Variants in PTPRT observed in about 807,000 individuals in gnomAD.
The protein encoded by PTPRT is receptor-type tyrosine-protein phosphatase T.
PTPRT carries 56 observed loss-of-function variants against 176.8 expected under a neutral mutation model. That is an observed-to-expected ratio of 0.32 (90% confidence interval 0.26 to 0.40). The LOEUF is 0.40. Ranked by LOEUF, PTPRT falls within the 10% of genes least tolerant of loss-of-function variation. PTPRT has a pLI of 1.00. For synonymous variants in PTPRT, 783 were observed against 739.0 expected (o/e 1.06, Z -0.96); for missense variants, 1,540 against 1,908.2 (o/e 0.81, Z 3.60).
chr20:43,024,927 T>C (rs1453828663), intron 1 of PTPRT, among the ~76,000 whole-genome samples: 6 of 152,248 alleles, frequency 3.9e-5, no homozygotes, highest in East Asian at 1.9e-4. Flanking sequence ...AAATGTACCA[T>C]AGACTTCCTG....
intron 11 of PTPRT, among the ~76,000 whole-genome samples, chr20:42,349,325 G>T (rs1012876525): frequency 7.2e-5 from 11 of 152,170 alleles, no homozygotes; most frequent in Non-Finnish European, 1.6e-4. Flanking sequence ...GTTATAGCAT[G>T]CTGTCTCTCT....
intron 1 of PTPRT, among the ~76,000 whole-genome samples, chr20:42,924,151 G>A (rs944726675): frequency 6.6e-6 from 1 of 152,082 alleles, no homozygotes; most frequent in South Asian, 2.1e-4. Context: ...TACCATGTCC[G>A]GCCAGATGGC....
intron 1 of PTPRT, among the ~76,000 whole-genome samples, chr20:42,950,335 C>A (rs1195128446): frequency 1.3e-5 from 2 of 152,218 alleles, no homozygotes; most frequent in Non-Finnish European, 2.9e-5. Context: ...AGAGATCAAT[C>A]CTGTTCTTAT....
chr20:42,168,473 C>G (rs1184976238), intron 16 of PTPRT, among the ~76,000 whole-genome samples: 2 of 152,186 alleles, frequency 1.3e-5, no homozygotes, highest in Non-Finnish European at 2.9e-5. Context: ...TCACAAAATA[C>G]TAGAAAAGGC....
chr20:42,093,067 A>G (rs1984804190), intron 27 of PTPRT, among the ~76,000 whole-genome samples: 1 of 152,172 alleles, frequency 6.6e-6, no homozygotes, highest in Non-Finnish European at 1.5e-5. Context: ...GGATGTGGAC[A>G]TCTCTGGTGG....
intron 7 of PTPRT, among the ~76,000 whole-genome samples, chr20:42,669,887 C>T (rs535505675): frequency 1.3e-5 from 2 of 152,170 alleles, no homozygotes; most frequent in African/African-American, 4.8e-5. Flanking sequence ...GCCTTGGCCT[C>T]CTCAAAGAGA....
At chr20:43,037,042 CA>C (rs1986410693) in intron 1 of PTPRT, among the ~76,000 whole-genome samples, 1 of 152,264 alleles carries the variant, frequency 6.6e-6, no homozygotes, top group African/African-American at 2.4e-5. Context: ...CATAAACATA[CA>C]ACATTAGAAA....
chr20:42,174,788 CTGCCTGTGTGATTTTGGGCAAGT>C (rs551416954), intron 16 of PTPRT, among the ~76,000 whole-genome samples: 84 of 152,298 alleles, frequency 5.5e-4, no homozygotes, highest in African/African-American at 1.7e-3. Flanking sequence ...CCATCACCTA[CTGCCTGTGTGATTTTGGGCAAGT>C]TACTCAATCT....
Position 43,189,590 on chromosome 20 carries a change from C to CCG in PTPRT, c.88+54_88+55dup. ...CTCCGAGGGCCCCGCGGCTGGGGGC[C>CCG]CGCGCGCATCCAGGAGGGAGCGGGG... On this transcript the variant is annotated intron_variant, in intron 1 of 30. Transcript: ENST00000373187. The surrounding 1 kb of genome is among the most constrained non-coding windows in gnomAD (Gnocchi z 5.0). The CCG allele has an allele frequency of 8.7e-7, 1 of 1,143,798 alleles. No individual in the cohort carries two copies. The highest frequency in any genetic ancestry group is 1.1e-6 in the Non-Finnish European group (1 of 913,512). The allele number at this position is 1,143,798 out of a possible 1,614,324, so 70.9% of individuals were successfully genotyped here.
chr20:42,866,121 C>T (rs75919394), intron 2 of PTPRT, among the ~76,000 whole-genome samples: 189 of 152,284 alleles, frequency 1.2e-3, no homozygotes, highest in African/African-American at 4.4e-3. Flanking sequence ...TTAAAAATAC[C>T]CTCGGTGATT....
rs1332117754 is a variant in PTPRT, at chr20:42,076,940, G to A, written c.*3939C>T. 1 of 196,226 alleles carries A rather than the reference G, an allele frequency of 5.1e-6. No individual in the cohort carries two copies. The highest frequency in any genetic ancestry group is 2.3e-5 in the African/African-American group (1 of 43,212). 12.2% of individuals were successfully genotyped at this position (196,226 alleles called of 1,614,324 possible). A position where few individuals can be genotyped will look rare whatever the true frequency, so the allele number is the denominator to read the frequency against. ...TTATGGGTAACCTCCTGGGAAAAAT[G>A]TGAGATACAATGGTGGAAAAATATT... On this transcript the variant is annotated 3_prime_UTR_variant, in exon 31 of 31. Coordinates refer to ENST00000373187, the MANE Select transcript of PTPRT (RefSeq NM_007050.6).
At chr20:42,118,966 T>C (rs1987436546) in intron 20 of PTPRT, among the ~76,000 whole-genome samples, 1 of 138,264 alleles carries the variant, frequency 7.2e-6, no homozygotes, top group Admixed American at 8.5e-5. Context: ...GATTTTGTGC[T>C]TGACAAATGC....
At chr20:42,241,354 G>A (rs368966836) in intron 14 of PTPRT, among the ~76,000 whole-genome samples, 3 of 152,154 alleles carry the variant, frequency 2.0e-5, no homozygotes, top group Non-Finnish European at 4.4e-5. Context: ...TGTGGTTTGG[G>A]CAGGTGGGTT....
chr20:42,524,961 T>C (rs1342373370), intron 7 of PTPRT, among the ~76,000 whole-genome samples: 2 of 152,150 alleles, frequency 1.3e-5, no homozygotes, highest in Non-Finnish European at 2.9e-5. Context: ...AAAATATGCC[T>C]CCTCAACATT....
At chr20:42,809,372 T>C (rs544200095) in intron 2 of PTPRT, among the ~76,000 whole-genome samples, 102 of 152,260 alleles carry the variant, frequency 6.7e-4, no homozygotes, top group Non-Finnish European at 1.3e-3. Flanking sequence ...CGGATCAGGA[T>C]GGCTGCTCTT....
chr20:42,802,348 C>A (rs2077543268), intron 2 of PTPRT, among the ~76,000 whole-genome samples: 1 of 152,216 alleles, frequency 6.6e-6, no homozygotes, highest in South Asian at 2.1e-4. Flanking sequence ...TGGGCCACGC[C>A]CTGCCTACCT....
chr20:43,184,317 G>A (rs1218416837), intron 1 of PTPRT, among the ~76,000 whole-genome samples: 3 of 152,162 alleles, frequency 2.0e-5, no homozygotes, highest in Non-Finnish European at 4.4e-5. Context: ...TGCATCTGAT[G>A]GGGTTTCTGC....
At chr20:42,365,885 C>T (rs1174997714) in intron 9 of PTPRT, among the ~76,000 whole-genome samples, 1 of 152,174 alleles carries the variant, frequency 6.6e-6, no homozygotes, top group South Asian at 2.1e-4. Flanking sequence ...GGGAAAGCAT[C>T]CAGTGGTGCT....
chr20:42,786,500 G>A, intron 3 of PTPRT, among the ~76,000 whole-genome samples: 1 of 152,212 alleles, frequency 6.6e-6, no homozygotes, highest in Non-Finnish European at 1.5e-5. Flanking sequence ...TACCAGTAGT[G>A]CTTCCTACGC....
Sources: allele counts gnomAD v4.1 joint callset (sites outside exome capture counted in the v4.1 genomes callset), GRCh38; gene constraint gnomAD v4.1.1; non-coding constraint Gnocchi (gnomAD v3.1); transcripts MANE v1.5; gene names NCBI Gene and HGNC (gene_info 2026-07-23, HGNC 2026-07-21).